Variants in HECW1 observed in about 807,000 individuals in gnomAD.
HECW1 encodes HECT, C2 and WW domain containing E3 ubiquitin protein ligase 1.
HECW1 carries 61 observed loss-of-function variants against 182.3 expected under a neutral mutation model. The ratio of observed to expected loss-of-function variants is 0.33; its 90% CI spans 0.27 to 0.41. The LOEUF (loss-of-function observed/expected upper bound fraction) is 0.41. HECW1 is among the 10% of genes least tolerant of loss of function. The pLI, the probability that HECW1 is intolerant of heterozygous loss-of-function variation, is 1.00. For synonymous variants in HECW1, 859 were observed against 832.6 expected, an observed-to-expected ratio of 1.03 and a Z score of -0.55; for missense variants, 1,739 against 2,108.9, an observed-to-expected ratio of 0.82 and a Z score of 3.44.
chr7:43,488,415 AG>A (rs1585061819), intron 17 of HECW1, among the ~76,000 whole-genome samples: 4 of 127,598 alleles, frequency 3.1e-5, no homozygotes, highest in East Asian at 4.2e-4. Context: ...AAAGAAAGAG[AG>A]AGAGAGAAAG....
chr7:43,342,144 CT>C (rs1813082306), intron 5 of HECW1, among the ~76,000 whole-genome samples: 1 of 151,714 alleles, frequency 6.6e-6, no homozygotes, highest in Non-Finnish European at 1.5e-5. Context: ...AACATTTTAC[CT>C]TAAGGAGATT....
chr7:43,309,574 A>T (rs1357768999), intron 3 of HECW1, among the ~76,000 whole-genome samples: 1 of 152,126 alleles, frequency 6.6e-6, no homozygotes, highest in African/African-American at 2.4e-5. Context: ...CCTGATTGAA[A>T]CCACGTACAT....
At chr7:43,374,442 AC>A (rs1215031413) in intron 6 of HECW1, among the ~76,000 whole-genome samples, 1 of 152,180 alleles carries the variant, frequency 6.6e-6, no homozygotes, top group Non-Finnish European at 1.5e-5. Flanking sequence ...ACAAACTAAA[AC>A]AAAATCATCC....
intron 2 of HECW1, among the ~76,000 whole-genome samples, chr7:43,168,418 G>A (rs2152664660): frequency 6.6e-6 from 1 of 152,288 alleles, no homozygotes; most frequent in South Asian, 2.1e-4. Context: ...AACAATTTGG[G>A]AAGCTGAAGT....
intron 4 of HECW1, among the ~76,000 whole-genome samples, chr7:43,315,465 GTTA>G (rs58930495): frequency 0.043 from 5,664 of 131,086 alleles, 119 homozygotes; most frequent in African/African-American, 0.062. Flanking sequence ...CATTATTATT[GTTA>G]TTATTATTAT....
chr7:43,469,196 G>A, intron 16 of HECW1, 91 bp downstream of exon 16: 1 of 1,343,822 alleles, frequency 7.4e-7, no homozygotes, highest in Non-Finnish European at 1.0e-6. Flanking sequence ...GTGTGGGGAG[G>A]AGTTATGTCT....
chr7:43,185,448 C>T lies in HECW1; in HGVS notation c.-31-58427C>T, dbSNP rs140763325. The stretch of plus-strand genomic sequence containing the variant: ...GTGACAGCCTGCTTCTTGCAACTGG[C>T]ATCTGAAGTGGGGCCAATCTTGTGG... On this transcript the variant is annotated intron_variant, in intron 2 of 29. Transcript: ENST00000395891. Among the ~76,000 whole-genome samples, 145 of 152,324 alleles carry T rather than the reference C, an allele frequency of 9.5e-4. No homozygotes were observed. The East Asian group carries it at 0.021, about 22-fold the overall frequency.
intron 6 of HECW1, among the ~76,000 whole-genome samples, chr7:43,380,236 T>G (rs541766785): frequency 6.6e-6 from 1 of 152,174 alleles, no homozygotes. Context: ...TAAAAATTTT[T>G]AAATTTTTGT....
At chr7:43,543,795 A>G (rs940985165) in intron 26 of HECW1, among the ~76,000 whole-genome samples, 15 of 151,776 alleles carry the variant, frequency 9.9e-5, no homozygotes, top group Admixed American at 2.0e-4. Context: ...AAAAAAAAAA[A>G]AAAGAAAAAA....
At chr7:43,169,808 C>T in intron 2 of HECW1, among the ~76,000 whole-genome samples, 1 of 151,510 alleles carries the variant, frequency 6.6e-6, no homozygotes, top group Non-Finnish European at 1.5e-5. Context: ...CCTGCCTCAG[C>T]CTCCCGATCT....
At chr7:43,301,064 C>T (rs1246111925) in intron 3 of HECW1, among the ~76,000 whole-genome samples, 1 of 152,164 alleles carries the variant, frequency 6.6e-6, no homozygotes, top group Non-Finnish European at 1.5e-5. Flanking sequence ...CTCTCCCCCT[C>T]ATTGCTGCAG....
At chr7:43,385,816 T>C (rs1437395245) in intron 6 of HECW1, among the ~76,000 whole-genome samples, 1 of 152,224 alleles carries the variant, frequency 6.6e-6, no homozygotes, top group Non-Finnish European at 1.5e-5. Flanking sequence ...TTTTGTTGTG[T>C]TACAAATTAT....
chr7:43,347,582 G>A (rs999749043), intron 5 of HECW1, among the ~76,000 whole-genome samples: 8 of 151,664 alleles, frequency 5.3e-5, no homozygotes, highest in South Asian at 4.2e-4. Context: ...TGGTGAGAGT[G>A]GTCATCCTTG....
intron 21 of HECW1, among the ~76,000 whole-genome samples, chr7:43,503,105 C>A (rs1389606118): frequency 7.2e-5 from 11 of 152,176 alleles, no homozygotes; most frequent in African/African-American, 2.4e-4. Context: ...AAGATAGTAT[C>A]TCCCTGTTGT....
At chr7:43,441,507 T>TC (rs772875960) in intron 9 of HECW1, among the ~76,000 whole-genome samples, 13 of 152,172 alleles carry the variant, frequency 8.5e-5, no homozygotes, top group Non-Finnish European at 1.9e-4. Context: ...AAAATGGCAA[T>TC]CTGCACAGGA....
chr7:43,280,575 A>G (rs1411277947), intron 3 of HECW1, among the ~76,000 whole-genome samples: 1 of 152,230 alleles, frequency 6.6e-6, no homozygotes, highest in Non-Finnish European at 1.5e-5. Context: ...AAAAAGTTTT[A>G]CAAATTTAAG....
chr7:43,508,456 A>G (rs1271880682), intron 23 of HECW1, among the ~76,000 whole-genome samples: 1 of 152,212 alleles, frequency 6.6e-6, no homozygotes, highest in East Asian at 1.9e-4. Flanking sequence ...GTGCATGTAT[A>G]CAACTTCATG....
intron 2 of HECW1, among the ~76,000 whole-genome samples, chr7:43,132,547 T>TCTCTCTCC (rs1349050756): frequency 1.9e-4 from 29 of 152,134 alleles, no homozygotes; most frequent in African/African-American, 6.5e-4. Flanking sequence ...TCTCTCTTTC[T>TCTCTCTCC]CTCTCTCCCT....
At chr7:43,278,082 G>A (rs1436881573) in intron 3 of HECW1, among the ~76,000 whole-genome samples, 1 of 151,906 alleles carries the variant, frequency 6.6e-6, no homozygotes, top group Non-Finnish European at 1.5e-5. Flanking sequence ...ATTGGCAGGT[G>A]ACCCCCAAAT....
Sources: gnomAD v4.1 joint callset for allele counts (sites outside exome capture counted in the v4.1 genomes callset) on GRCh38, gnomAD v4.1.1 for gene constraint, MANE v1.5 for transcripts, NCBI Gene and HGNC (gene_info 2026-07-23, HGNC 2026-07-21) for gene names.